The following EIF3D variants were observed in gnomAD, a reference collection of about 807,000 sequenced individuals.
The protein encoded by EIF3D is eukaryotic translation initiation factor 3 subunit D, also known as eIF3 p66.
Under a neutral mutation model 75.4 loss-of-function variants are expected in EIF3D, and 10 were observed. That is an observed-to-expected ratio of 0.13 (90% CI 0.08 to 0.22). EIF3D has a LOEUF of 0.22. Among genes scored for constraint, EIF3D ranks in the 10% least tolerant of loss-of-function variants. The pLI is 1.00. For missense variants in EIF3D, 394 were observed against 708.0 expected (o/e 0.56, Z 5.03); for synonymous variants, 246 against 248.3 (o/e 0.99, Z 0.09).
In EIF3D at chr22:36,525,725, AAAGACAGAG is replaced by A. The variant is rs1569001982; in HGVS notation, c.124-25_124-17del. 2.5e-6 allele frequency: 4 copies of A among 1,610,048 alleles called. No individual in the cohort carries two copies. The highest frequency in any genetic ancestry group is 3.4e-6 in the Non-Finnish European group (4 of 1,179,140). On this transcript the variant is annotated splice_polypyrimidine_tract_variant and intron_variant, in intron 2 of 14. Coordinates refer to ENST00000216190, the MANE Select transcript of EIF3D (RefSeq NM_003753.4). ...AGTCTGCAACCTACGAAGAACAAGA[AAAGACAGAG>A]AATGCACAGGTCAACCAGGCAAGTT... is the stretch of plus-strand genomic sequence containing the variant.
At chr22:36,517,474 C>A (rs1401996470) in intron 9 of EIF3D, 43 bp from the exon 10 acceptor site, 1 of 1,583,946 alleles carries the variant, frequency 6.3e-7, no homozygotes, top group Non-Finnish European at 8.6e-7. Context: ...AACAAAGAGT[C>A]ACTGACAATG....
At chr22:36,518,684 T>C in intron 9 of EIF3D, 79 bp downstream of exon 9, 3 of 1,544,660 alleles carry the variant, frequency 1.9e-6, no homozygotes, top group Non-Finnish European at 2.6e-6. Context: ...TTTCTATCCA[T>C]TCTCTAGTAC....
chr22:36,517,294 T>TC lies in EIF3D; in HGVS notation c.990+6dup. 6.2e-7 allele frequency: 1 copy of TC among 1,613,822 alleles called. No individual in the cohort carries two copies. The highest frequency in any genetic ancestry group is 8.5e-7 in the Non-Finnish European group (1 of 1,179,850). On this transcript the variant is annotated splice_region_variant and intron_variant, in intron 10 of 14. Transcript: ENST00000216190. ...ATGAATCAATGCCCAGAGACTCGTT[T>TC]CCTCACCATTCTCAAGCACTGCTGG... is the stretch of plus-strand genomic sequence containing the variant.
chr22:36,525,567 T>C (rs1076643), intron 3 of EIF3D, 97 bp downstream of exon 3: 91,976 of 1,320,536 alleles, frequency 0.07, 3,567 homozygotes, highest in African/African-American at 0.15. Flanking sequence ...GTTGGCAGTT[T>C]CTTCCCATTC....
chr22:36,528,591 AAC>A, intron 1 of EIF3D, among the ~76,000 whole-genome samples: 4 of 114,498 alleles, frequency 3.5e-5, no homozygotes, highest in African/African-American at 1.4e-4. Flanking sequence ...TCCATCGCTG[AAC>A]AGGGGGTGGG....
At chr22:36,515,756 C>T (rs972008772) in intron 12 of EIF3D, among the ~76,000 whole-genome samples, 2 of 151,960 alleles carry the variant, frequency 1.3e-5, no homozygotes, top group Non-Finnish European at 2.9e-5. Flanking sequence ...CAGAGTAACG[C>T]GGTAACACAG....
At chr22:36,517,216 C>T in intron 10 of EIF3D, 85 bp downstream of exon 10, 1 of 1,591,390 alleles carries the variant, frequency 6.3e-7, no homozygotes, top group East Asian at 2.2e-5. Flanking sequence ...GTCCCACAAC[C>T]AAGAGCCTAG....
rs762380098 is a variant in EIF3D, at chr22:36,520,788, C to G, written c.466-100G>C. On this transcript the variant is annotated intron_variant, in intron 6 of 14. Transcript: ENST00000216190. ...ATGAAGAGCTGGCCTGGTGCAGTGG[C>G]TCATGCCTGTAGTCCCAGCACTTTG... 4.8e-5 allele frequency: 36 copies of G among 750,436 alleles called. No homozygotes were observed. In the Middle Eastern group the frequency reaches 1.5e-3, roughly 31 times the overall value. The allele number at this position is 750,436 out of a possible 1,614,324, so 46.5% of individuals were successfully genotyped here.
rs1934424792 is a variant in EIF3D, at chr22:36,516,255, A to C, written c.1206+223T>G. The C allele has an allele frequency of 1.3e-5, 6 of 475,908 alleles. No homozygotes were observed. The Middle Eastern group carries it at 1.7e-3, about 134-fold the overall frequency. 29.5% of individuals were successfully genotyped at this position (475,908 alleles called of 1,614,324 possible). A position where few individuals can be genotyped will look rare whatever the true frequency, so the allele number is the denominator to read the frequency against. On this transcript the variant is annotated intron_variant, in intron 12 of 14. Transcript: ENST00000216190. The stretch of plus-strand genomic sequence containing the variant: ...GTTCCTGCGTAAAAAATAAGCAGAA[A>C]AGTTCTTAACACTTAACATAGTTCT...
intron 7 of EIF3D, among the ~76,000 whole-genome samples, chr22:36,519,812 C>A (rs1336830741): frequency 6.6e-6 from 1 of 152,152 alleles, no homozygotes; most frequent in Non-Finnish European, 1.5e-5. Flanking sequence ...GTTATAGAAG[C>A]ACCTGGGTAG....
chr22:36,526,105 G>C lies in EIF3D; in HGVS notation c.17C>G (p.Thr6Arg). MAKFMTPVIQDNPSGW... is the reference protein window; with the variant it reads MAKFMRPVIQDNPSGW... ...TGAGGGGTTGTCCTGGATCACGGGT[G>C]TCATGAACTTTGCCATCTTCCAAAA... is the stretch of plus-strand genomic sequence containing the variant. The change falls in exon 2 of 15, where the codon ACA (threonine) becomes AGA (arginine). Residue 6 changes from threonine to arginine, a missense_variant. By Grantham distance (71) the Thr-to-Arg change is moderately conservative (BLOSUM62 -1). Transcript: ENST00000216190. 1 of 1,606,374 alleles carries C rather than the reference G, an allele frequency of 6.2e-7. No individual in the cohort carries two copies. The highest frequency in any genetic ancestry group is 1.1e-5 in the South Asian group (1 of 89,968).
chr22:36,514,870 G>A (rs1006683312), intron 12 of EIF3D, among the ~76,000 whole-genome samples: 2 of 152,202 alleles, frequency 1.3e-5, no homozygotes, highest in Non-Finnish European at 2.9e-5. Flanking sequence ...AATGTTGGAG[G>A]AGGAGCATGG....
At position 36,519,458 on chromosome 22, in the gene EIF3D, T is replaced by G; in HGVS notation, c.658A>C (p.Ile220Leu). 6.2e-7 allele frequency: 1 copy of G among 1,614,192 alleles called. No homozygotes were observed. The highest frequency in any genetic ancestry group is 8.5e-7 in the Non-Finnish European group (1 of 1,180,044). ...TTRSEKPLRSIKRIFHTVTTT... is the reference protein window; with the variant it reads ...TTRSEKPLRSLKRIFHTVTTT... ...GTGACAGTGTGGAAGATGCGCTTGATGCTCCGCAGTGGCTTCTCACTCCTC... is the reference window on the plus strand; with the variant it reads ...GTGACAGTGTGGAAGATGCGCTTGAGGCTCCGCAGTGGCTTCTCACTCCTC... Residue 220 changes from isoleucine (I) to leucine (L), a missense_variant, in exon 8 of 15, where the codon ATC (isoleucine) becomes CTC (leucine). Ile to Leu is a conservative substitution (Grantham distance 5). Transcript: ENST00000216190.
At chr22:36,516,211 G>T in intron 12 of EIF3D, 1 of 357,424 alleles carries the variant, frequency 2.8e-6, no homozygotes, top group African/African-American at 2.1e-5. Flanking sequence ...AGAAAGTACT[G>T]GAAGAAGGGA....
chr22:36,525,945 C>T (rs545989299), intron 2 of EIF3D, 54 bp downstream of exon 2: 10 of 1,558,254 alleles, frequency 6.4e-6, no homozygotes, highest in Admixed American at 4.1e-5. Flanking sequence ...AACAGGGACT[C>T]GAGAGTAGCA....
At position 36,516,538 on chromosome 22, in the gene EIF3D, A is replaced by G. The variant is rs1309906390; in HGVS notation, c.1146T>C (p.Thr382=). 5 of 1,614,206 alleles carry G rather than the reference A, an allele frequency of 3.1e-6. No homozygotes were observed. In the Admixed American group the frequency reaches 5.0e-5, roughly 16 times the overall value. Residue 382 remains threonine (T), a synonymous_variant, in exon 12 of 15, where the codon ACT becomes ACC. Coordinates refer to ENST00000216190, the MANE Select transcript of EIF3D (RefSeq NM_003753.4). ...IVRCEHDGVM[T]GANGEVSFIN... ...TGAAGGACACTTCCCCGTTGGCTCC[A>G]GTCATGACGCCATCGTGCTCACAAC...
chr22:36,524,658 G>A lies in EIF3D; in HGVS notation c.244C>T (p.Leu82=), dbSNP rs1236908697. 6.2e-7 allele frequency: 1 copy of A among 1,614,078 alleles called. No individual in the cohort carries two copies. The highest frequency in any genetic ancestry group is 8.5e-7 in the Non-Finnish European group (1 of 1,180,054). The change falls in exon 4 of 15, where the codon CTG becomes TTG. Residue 82 remains leucine, a synonymous_variant. Coordinates refer to ENST00000216190, the MANE Select transcript of EIF3D (RefSeq NM_003753.4). The stretch of plus-strand genomic sequence containing the variant: ...TTCTGTGTGCGCGCTGTATCCACCA[G>A]CTGGAAGCTACTTTCATCCTCCTCA... ...FHEEDESSFQ[L]VDTARTQKTA...
At chr22:36,526,444 TTTC>T (rs1934601649) in intron 1 of EIF3D, among the ~76,000 whole-genome samples, 1 of 152,192 alleles carries the variant, frequency 6.6e-6, no homozygotes, top group Admixed American at 6.5e-5. Context: ...ATTGGTAGTT[TTTC>T]TTTTTCTGTG....
chr22:36,527,534 A>C (rs1198687758), intron 1 of EIF3D, among the ~76,000 whole-genome samples: 2 of 152,200 alleles, frequency 1.3e-5, no homozygotes, highest in African/African-American at 4.8e-5. Context: ...CTAGAGGAAA[A>C]TTCACTACAC....
Sources: allele counts gnomAD v4.1 joint callset (sites outside exome capture counted in the v4.1 genomes callset), GRCh38; gene constraint gnomAD v4.1.1; transcripts MANE v1.5; gene names NCBI Gene and HGNC (gene_info 2026-07-23, HGNC 2026-07-21).